The following KLRG1 variants were observed in gnomAD, a reference collection of about 807,000 sequenced individuals.
KLRG1 encodes killer cell lectin-like receptor subfamily G member 1.
Under a neutral mutation model 21.8 loss-of-function variants are expected in KLRG1, and 16 were observed. That is an observed-to-expected ratio of 0.73 (90% CI 0.50 to 1.11). KLRG1 has a LOEUF of 1.11. Among genes scored for constraint, KLRG1 ranks in the 50% most tolerant of loss-of-function variants. The pLI, the probability that KLRG1 is intolerant of heterozygous loss-of-function variation, is 0.00. For missense variants in KLRG1, 173 were observed against 218.3 expected (o/e 0.79, Z 1.31); for synonymous variants, 69 against 75.9 (o/e 0.91, Z 0.47).
At chr12:9,099,380 C>G in the KLRG1 span, 1 of 1,554,322 alleles carries the variant, frequency 6.4e-7, no homozygotes. Flanking sequence ...AAAACACACA[C>G]CTTGTTGGCC....
the KLRG1 span, among the ~76,000 whole-genome samples, chr12:9,118,446 T>C: frequency 6.6e-6 from 1 of 152,174 alleles, no homozygotes; most frequent in Non-Finnish European, 1.5e-5. Context: ...TGACTAGTGA[T>C]AGGTACTGCT....
the KLRG1 span, among the ~76,000 whole-genome samples, chr12:9,211,978 G>A: frequency 1.3e-5 from 2 of 152,080 alleles, no homozygotes; most frequent in African/African-American, 2.4e-5. Flanking sequence ...CTGGGATGAG[G>A]GTCTACTTTA....
the KLRG1 span, among the ~76,000 whole-genome samples, chr12:9,101,917 A>G: frequency 6.6e-6 from 1 of 152,124 alleles, no homozygotes; most frequent in African/African-American, 2.4e-5. Flanking sequence ...GCATAAAAGG[A>G]GGCATCCTTT....
chr12:9,134,379 C>T, the KLRG1 span, among the ~76,000 whole-genome samples: 1 of 152,098 alleles, frequency 6.6e-6, no homozygotes, highest in African/African-American at 2.4e-5. Flanking sequence ...GAAAAAGACA[C>T]CAGGTGTCTT....
chr12:9,036,171 T>G, the KLRG1 span, among the ~76,000 whole-genome samples: 1 of 152,218 alleles, frequency 6.6e-6, no homozygotes, highest in South Asian at 2.1e-4. Context: ...GGAAAAAGTT[T>G]ATTAAGTAAA....
chr12:9,000,804 A>C (rs997032444), intron 3 of KLRG1, among the ~76,000 whole-genome samples: 1 of 152,204 alleles, frequency 6.6e-6, no homozygotes, highest in Non-Finnish European at 1.5e-5. Flanking sequence ...GACTGTTGAG[A>C]GTAAGGCTGC....
At chr12:9,076,585 TTTGA>T in the KLRG1 span, among the ~76,000 whole-genome samples, 1 of 152,226 alleles carries the variant, frequency 6.6e-6, no homozygotes, top group East Asian at 1.9e-4. Flanking sequence ...TGATTTCTGA[TTTGA>T]TTAAGAAATC....
chr12:9,065,151 T>TCCCCCCC, the KLRG1 span: 1 of 52,628 alleles, frequency 1.9e-5, no homozygotes, highest in Non-Finnish European at 3.5e-5. Flanking sequence ...ATTCCCTTCC[T>TCCCCCCC]CCCCCCCCCC....
At chr12:8,999,917 C>T (rs1015871412) in intron 3 of KLRG1, among the ~76,000 whole-genome samples, 1 of 152,050 alleles carries the variant, frequency 6.6e-6, no homozygotes. Flanking sequence ...TTTCTGTAAT[C>T]CCAGCTACTC....
chr12:8,984,084 A>AT (rs765698161), intron 1 of KLRG1, among the ~76,000 whole-genome samples: 38 of 151,472 alleles, frequency 2.5e-4, no homozygotes, highest in African/African-American at 9.2e-4. Flanking sequence ...GGTTCTGTTC[A>AT]TTTTTTTCTC....
At chr12:9,083,385 AT>A in the KLRG1 span, among the ~76,000 whole-genome samples, 1 of 151,772 alleles carries the variant, frequency 6.6e-6, no homozygotes, top group Non-Finnish European at 1.5e-5. Context: ...AACTTAAAGT[AT>A]AAAAAAAAAA....
the KLRG1 span, chr12:9,153,080 G>T: frequency 2.5e-6 from 4 of 1,606,846 alleles, no homozygotes; most frequent in Non-Finnish European, 3.4e-6. Context: ...ATTTCAATTG[G>T]CAAGTTTAAA....
the KLRG1 span, among the ~76,000 whole-genome samples, chr12:9,106,826 A>G: frequency 6.6e-6 from 1 of 152,126 alleles, no homozygotes; most frequent in African/African-American, 2.4e-5. Context: ...AATTCCCTAG[A>G]TATATTGCGA....
the KLRG1 span, chr12:9,115,793 C>T: frequency 6.2e-7 from 1 of 1,613,434 alleles, no homozygotes; most frequent in Non-Finnish European, 8.5e-7. Context: ...CGTCTGTGGG[C>T]AGGAGGACCA....
At chr12:9,036,160 A>G in the KLRG1 span, among the ~76,000 whole-genome samples, 3 of 152,224 alleles carry the variant, frequency 2.0e-5, no homozygotes. Context: ...TAACACAAAA[A>G]GGAAAAAGTT....
chr12:9,028,788 A>C, the KLRG1 span: 1 of 608,066 alleles, frequency 1.6e-6, no homozygotes, highest in Non-Finnish European at 3.1e-6. Flanking sequence ...TTCACAGTTA[A>C]GTGGGCACCT....
At chr12:9,168,922 C>A in the KLRG1 span, 1 of 1,614,090 alleles carries the variant, frequency 6.2e-7, no homozygotes, top group South Asian at 1.1e-5. Flanking sequence ...GATGACTGAA[C>A]ACGACTTTGG....
At chr12:9,115,868 TGGA>T in the KLRG1 span, 2 of 1,602,082 alleles carry the variant, frequency 1.2e-6, no homozygotes, top group Non-Finnish European at 1.7e-6. Flanking sequence ...AAGAAGGAGC[TGGA>T]GGAGAACAGA....
downstream of KLRG1, among the ~76,000 whole-genome samples, chr12:9,014,395 AT>A (rs1218346910): frequency 6.6e-6 from 1 of 152,190 alleles, no homozygotes; most frequent in Non-Finnish European, 1.5e-5. Flanking sequence ...AGGAGCTCCA[AT>A]ATGTCTGACA....
Sources: allele counts gnomAD v4.1 joint callset (sites outside exome capture counted in the v4.1 genomes callset), GRCh38; gene constraint gnomAD v4.1.1; transcripts MANE v1.5; gene names NCBI Gene and HGNC (gene_info 2026-07-23, HGNC 2026-07-21).